Variants in FOXP1 observed in about 807,000 individuals in gnomAD.
FOXP1 encodes the protein forkhead box protein P1.
FOXP1 carries 15 observed loss-of-function variants against 98.2 expected under a neutral mutation model. That is an observed-to-expected ratio of 0.15 (90% CI 0.10 to 0.24). The LOEUF (loss-of-function observed/expected upper bound fraction) is 0.24, where lower values mean the gene tolerates loss of function less well. Among genes scored for constraint, FOXP1 ranks in the 10% least tolerant of loss-of-function variants. The probability of loss-of-function intolerance (pLI) is 1.00; values close to 1 mark genes in which losing one functional copy is unlikely to be tolerated. For missense variants in FOXP1, 633 were observed against 848.5 expected, an observed-to-expected ratio of 0.75 and a Z score of 3.15; for synonymous variants, 371 against 314.5, an observed-to-expected ratio of 1.18 and a Z score of -1.90.
At chr3:71,128,011 C>A (rs1575891438) in intron 6 of FOXP1, among the ~76,000 whole-genome samples, 1 of 152,182 alleles carries the variant, frequency 6.6e-6, no homozygotes, top group Admixed American at 6.5e-5. Flanking sequence ...GCACCGTTCC[C>A]TTATATAGTC....
At chr3:71,284,421 T>C (rs1560240067) in intron 5 of FOXP1, among the ~76,000 whole-genome samples, 1 of 152,060 alleles carries the variant, frequency 6.6e-6, no homozygotes, top group Non-Finnish European at 1.5e-5. Context: ...AAAAATTAGC[T>C]GGACATGGTG....
At chr3:71,026,374 G>A (rs1345944427) in intron 11 of FOXP1, among the ~76,000 whole-genome samples, 1 of 152,122 alleles carries the variant, frequency 6.6e-6, no homozygotes, top group Non-Finnish European at 1.5e-5. Context: ...AGTCCTTGAG[G>A]ATCCAGTCTG....
chr3:71,406,874 G>C lies in FOXP1; in HGVS notation c.-167-47630C>G, dbSNP rs939733157. Among the ~76,000 whole-genome samples the C allele has an allele frequency of 3.9e-5, 6 of 152,140 alleles. 1 individual carries two copies. In the East Asian group the frequency reaches 7.7e-4, roughly 20 times the overall value. ...CCTCCTGCTTGCTTTACAGTTTTATGGTGAGTATTTTACCTGCCCCTGCAA... is the reference window on the plus strand; with the variant it reads ...CCTCCTGCTTGCTTTACAGTTTTATCGTGAGTATTTTACCTGCCCCTGCAA... On this transcript the variant is annotated intron_variant, in intron 3 of 20. Transcript: ENST00000649528.
rs1244725511 is a variant in FOXP1, at chr3:70,955,827, C to G, written c.*3420G>C. The G allele has an allele frequency of 4.5e-6, 1 of 222,648 alleles. No homozygotes were observed. The highest frequency in any genetic ancestry group is 8.5e-6 in the Non-Finnish European group (1 of 117,434). 13.8% of individuals were successfully genotyped at this position (222,648 alleles called of 1,614,324 possible). ...CAAAAAACAGATTAACACACACGCA[C>G]GCGCGCACACACACACACACACACA... On this transcript the variant is annotated 3_prime_UTR_variant, in exon 21 of 21. Coordinates refer to ENST00000649528, the MANE Select transcript of FOXP1 (RefSeq NM_001349338.3).
intron 3 of FOXP1, among the ~76,000 whole-genome samples, chr3:71,400,388 G>T (rs1039590556): frequency 1.3e-5 from 2 of 151,332 alleles, no homozygotes; most frequent in African/African-American, 4.9e-5. Flanking sequence ...ACAGAGTCTC[G>T]TTCTGTTGCC....
intron 7 of FOXP1, among the ~76,000 whole-genome samples, chr3:71,055,119 A>T (rs923487126): frequency 6.6e-5 from 10 of 152,218 alleles, no homozygotes; most frequent in African/African-American, 2.4e-4. Flanking sequence ...TGACTTTTTC[A>T]CATGATTTGT....
chr3:71,560,847 T>C (rs887823206), intron 2 of FOXP1, among the ~76,000 whole-genome samples: 1 of 152,092 alleles, frequency 6.6e-6, no homozygotes, highest in Non-Finnish European at 1.5e-5. Context: ...ACATCCAGAA[T>C]AGGCAAACCT....
intron 6 of FOXP1, among the ~76,000 whole-genome samples, chr3:71,151,556 C>T (rs1418788052): frequency 6.6e-6 from 1 of 151,628 alleles, no homozygotes. Flanking sequence ...ATTTCAAGGG[C>T]AAGGGATATA....
intron 7 of FOXP1, among the ~76,000 whole-genome samples, chr3:71,059,620 T>C (rs1156791594): frequency 6.6e-6 from 1 of 152,122 alleles, no homozygotes; most frequent in Non-Finnish European, 1.5e-5. Context: ...ATCAAGAAAA[T>C]GCCTTCTCTT....
At chr3:71,386,737 G>A (rs1241264538) in intron 3 of FOXP1, among the ~76,000 whole-genome samples, 5 of 67,558 alleles carry the variant, frequency 7.4e-5, no homozygotes, top group South Asian at 4.7e-4. Flanking sequence ...GCAAGATTCC[G>A]TCTCAAAAAA....
At chr3:71,131,120 A>T (rs1388222882) in intron 6 of FOXP1, among the ~76,000 whole-genome samples, 1 of 152,064 alleles carries the variant, frequency 6.6e-6, no homozygotes, top group Non-Finnish European at 1.5e-5. Context: ...ATGTATTTTT[A>T]AAGAACACAT....
chr3:71,091,841 T>C (rs1212888485), intron 7 of FOXP1, among the ~76,000 whole-genome samples: 1 of 152,094 alleles, frequency 6.6e-6, no homozygotes, highest in Non-Finnish European at 1.5e-5. Flanking sequence ...AATCAACATT[T>C]GGAAATAAGA....
At chr3:71,175,255 C>T (rs2061876629) in intron 6 of FOXP1, among the ~76,000 whole-genome samples, 1 of 152,200 alleles carries the variant, frequency 6.6e-6, no homozygotes, top group Non-Finnish European at 1.5e-5. Flanking sequence ...ATATGTAAGC[C>T]ACCCAGAAAC....
chr3:71,506,222 C>G (rs1020333277), intron 2 of FOXP1, among the ~76,000 whole-genome samples: 1 of 152,142 alleles, frequency 6.6e-6, no homozygotes, highest in Non-Finnish European at 1.5e-5. Flanking sequence ...GCCTGGGGTC[C>G]GATCCTGGCT....
At position 71,260,654 on chromosome 3, in the gene FOXP1, T is replaced by C. The variant is rs1467711850; in HGVS notation, c.-12+39166A>G. On this transcript the variant is annotated intron_variant, in intron 5 of 20. Transcript: ENST00000649528. ...GTCTCCCAGGTTCAAGCAATTCTCC[T>C]GCCCCAGCCTTCCAAGTAGCTGAGA... Among the ~76,000 whole-genome samples, 4 of 152,050 alleles carry C rather than the reference T, an allele frequency of 2.6e-5. No individual in the cohort carries two copies. In the South Asian group the frequency reaches 6.3e-4, roughly 24 times the overall value.
intron 7 of FOXP1, among the ~76,000 whole-genome samples, chr3:71,106,139 T>G (rs2107698906): frequency 6.6e-6 from 1 of 152,302 alleles, no homozygotes; most frequent in East Asian, 1.9e-4. Flanking sequence ...ATTAAATGAT[T>G]TAAGGACACT....
chr3:71,564,867 C>T (rs1406372479), intron 2 of FOXP1, among the ~76,000 whole-genome samples: 2 of 152,178 alleles, frequency 1.3e-5, no homozygotes, highest in African/African-American at 4.8e-5. Context: ...GTAATCTCAG[C>T]ACTTTGGGAG....
intron 7 of FOXP1, among the ~76,000 whole-genome samples, chr3:71,064,037 C>G (rs2051960826): frequency 6.6e-6 from 1 of 152,068 alleles, no homozygotes; most frequent in East Asian, 1.9e-4. Context: ...TGGGAGTACC[C>G]CGTGGCAATT....
intron 5 of FOXP1, among the ~76,000 whole-genome samples, chr3:71,229,536 A>T (rs1201301562): frequency 6.6e-6 from 1 of 152,184 alleles, no homozygotes; most frequent in Non-Finnish European, 1.5e-5. Flanking sequence ...TGCAAAGCAT[A>T]GCTTCAGAGT....
Sources: gnomAD v4.1 joint callset for allele counts (sites outside exome capture counted in the v4.1 genomes callset) on GRCh38, gnomAD v4.1.1 for gene constraint, MANE v1.5 for transcripts, NCBI Gene and HGNC (gene_info 2026-07-23, HGNC 2026-07-21) for gene names.